AGBL4: variants seen among roughly 807,000 people sequenced by gnomAD.
AGBL4 encodes the protein cytosolic carboxypeptidase 6.
AGBL4 carries 58 observed loss-of-function variants against 66.4 expected under a neutral mutation model. That is an observed-to-expected ratio of 0.87 (90% CI 0.71 to 1.09). The LOEUF (loss-of-function observed/expected upper bound fraction) is 1.09, where lower values mean the gene tolerates loss of function less well. AGBL4 is among the 50% of genes least tolerant of loss of function. The probability of loss-of-function intolerance (pLI) is 0.00; values close to 1 mark genes in which losing one functional copy is unlikely to be tolerated. For missense variants in AGBL4, 579 were observed against 631.0 expected (o/e 0.92, Z 0.88); for synonymous variants, 234 against 222.9 (o/e 1.05, Z -0.44).
chr1:49,666,913 A>G lies in AGBL4; in HGVS notation c.282+30400T>C, dbSNP rs936492223. On this transcript the variant is annotated intron_variant, in intron 3 of 13. Transcript: ENST00000371839. ...AAATCAAGAGCCTGTTGGAGTAAGC[A>G]CTTTACTATAATTGTCTCCAAAGCT... Among the ~76,000 whole-genome samples the G allele has an allele frequency of 5.3e-5, 8 of 152,238 alleles. No homozygotes were observed. In the East Asian group the frequency reaches 9.7e-4, roughly 18 times the overall value.
chr1:49,891,405 T>A (rs531744923), intron 1 of AGBL4, among the ~76,000 whole-genome samples: 1 of 152,194 alleles, frequency 6.6e-6, no homozygotes, highest in Non-Finnish European at 1.5e-5. Flanking sequence ...TGTTTAACAA[T>A]GACTACAGAC....
intron 3 of AGBL4, among the ~76,000 whole-genome samples, chr1:49,407,655 C>A (rs1418837237): frequency 6.6e-6 from 1 of 151,804 alleles, no homozygotes; most frequent in African/African-American, 2.4e-5. Context: ...AACAAATGAT[C>A]TTAATTGTTC....
At chr1:49,718,320 C>T (rs1162013653) in intron 2 of AGBL4, among the ~76,000 whole-genome samples, 5 of 152,076 alleles carry the variant, frequency 3.3e-5, no homozygotes, top group Non-Finnish European at 7.4e-5. Flanking sequence ...ATATGATGTG[C>T]TGGCTTCCCC....
chr1:49,619,799 G>A (rs1485930777), intron 3 of AGBL4, among the ~76,000 whole-genome samples: 2 of 151,992 alleles, frequency 1.3e-5, no homozygotes, highest in Non-Finnish European at 2.9e-5. Context: ...CAGAACAGAG[G>A]CCTCAGAAAT....
chr1:48,926,095 A>G (rs1432339667), intron 5 of AGBL4, among the ~76,000 whole-genome samples: 1 of 152,188 alleles, frequency 6.6e-6, no homozygotes, highest in African/African-American at 2.4e-5. Context: ...TTGATTTTTC[A>G]AAGAGGGAGG....
intron 2 of AGBL4, among the ~76,000 whole-genome samples, chr1:49,714,578 ATAT>A (rs1647936659): frequency 2.0e-5 from 3 of 148,166 alleles, no homozygotes; most frequent in Admixed American, 2.0e-4. Context: ...ACATATATAT[ATAT>A]ATATATATAT....
intron 3 of AGBL4, among the ~76,000 whole-genome samples, chr1:49,630,684 T>C (rs1645553482): frequency 2.0e-5 from 3 of 152,172 alleles, no homozygotes; most frequent in Admixed American, 2.0e-4. Context: ...TAATTAATTG[T>C]TATAGCACCT....
At chr1:49,125,106 G>GA (rs1368327585) in intron 4 of AGBL4, among the ~76,000 whole-genome samples, 2 of 151,498 alleles carry the variant, frequency 1.3e-5, no homozygotes, top group African/African-American at 4.8e-5. Flanking sequence ...ACCACAAGAA[G>GA]AAAAAATGAG....
At chr1:48,588,225 C>T (rs537829860) in intron 10 of AGBL4, among the ~76,000 whole-genome samples, 1 of 152,300 alleles carries the variant, frequency 6.6e-6, no homozygotes, top group Non-Finnish European at 1.5e-5. Flanking sequence ...TTAGGGATAG[C>T]TGATTCATGT....
chr1:49,548,065 C>A (rs1446569563), intron 3 of AGBL4, among the ~76,000 whole-genome samples: 1 of 152,136 alleles, frequency 6.6e-6, no homozygotes, highest in Non-Finnish European at 1.5e-5. Flanking sequence ...AGCCACTATA[C>A]CTGACCTAGG....
chr1:49,642,459 C>T (rs1358643107), intron 3 of AGBL4, among the ~76,000 whole-genome samples: 1 of 151,890 alleles, frequency 6.6e-6, no homozygotes, highest in African/African-American at 2.4e-5. Context: ...CTCAAGAGAA[C>T]CAGGATAGCT....
chr1:49,759,636 T>C (rs1247551698), intron 2 of AGBL4, among the ~76,000 whole-genome samples: 2 of 152,208 alleles, frequency 1.3e-5, no homozygotes, highest in Non-Finnish European at 2.9e-5. Flanking sequence ...GGAGTAGGTA[T>C]ACATAAAATT....
At chr1:49,793,857 G>A (rs912482711) in intron 2 of AGBL4, among the ~76,000 whole-genome samples, 2 of 151,902 alleles carry the variant, frequency 1.3e-5, no homozygotes, top group Non-Finnish European at 2.9e-5. Context: ...CAATAAAAGA[G>A]ATCAATAGGG....
intron 3 of AGBL4, among the ~76,000 whole-genome samples, chr1:49,274,189 C>T (rs1570303706): frequency 6.6e-6 from 1 of 152,108 alleles, no homozygotes; most frequent in East Asian, 1.9e-4. Context: ...TTGATATCAA[C>T]TGTTTTAAAT....
chr1:49,227,140 T>C (rs541202699), intron 4 of AGBL4, among the ~76,000 whole-genome samples: 38 of 152,350 alleles, frequency 2.5e-4, no homozygotes, highest in African/African-American at 8.2e-4. Context: ...CCATAGAATA[T>C]TGCTTATCAA....
intron 6 of AGBL4, among the ~76,000 whole-genome samples, chr1:48,722,615 A>G (rs777777884): frequency 2.3e-4 from 35 of 152,200 alleles, no homozygotes; most frequent in Admixed American, 5.2e-4. Context: ...TAACACGGTA[A>G]ACTGAAGGGA....
At chr1:48,834,020 A>G (rs920692493) in intron 6 of AGBL4, among the ~76,000 whole-genome samples, 7 of 151,988 alleles carry the variant, frequency 4.6e-5, no homozygotes, top group African/African-American at 1.7e-4. Context: ...AAAGAGGGTT[A>G]TTTGCAAGCC....
intron 4 of AGBL4, among the ~76,000 whole-genome samples, chr1:49,084,659 C>A (rs768137084): frequency 6.6e-6 from 1 of 152,154 alleles, no homozygotes; most frequent in African/African-American, 2.4e-5. Flanking sequence ...AGAGCCAAAC[C>A]ATATCACTGA....
intron 3 of AGBL4, among the ~76,000 whole-genome samples, chr1:49,407,934 G>A (rs1160127996): frequency 1.3e-5 from 2 of 152,184 alleles, no homozygotes; most frequent in Non-Finnish European, 2.9e-5. Flanking sequence ...AGTTGCAAAT[G>A]TCCAGCCTTT....
Sources: gnomAD v4.1 joint callset for allele counts (sites outside exome capture counted in the v4.1 genomes callset) on GRCh38, gnomAD v4.1.1 for gene constraint, MANE v1.5 for transcripts, NCBI Gene and HGNC (gene_info 2026-07-23, HGNC 2026-07-21) for gene names.